Variants in MAP4 observed in about 807,000 individuals in gnomAD.
MAP4 encodes the protein microtubule-associated protein 4.
MAP4 carries 76 observed loss-of-function variants against 170.2 expected under a neutral mutation model. The ratio of observed to expected loss-of-function variants is 0.45; its 90% confidence interval spans 0.37 to 0.54. The LOEUF is 0.54. Ranked by LOEUF, MAP4 falls within the 20% of genes least tolerant of loss-of-function variation. The pLI is 0.00. For synonymous variants in MAP4, 909 were observed against 994.5 expected (o/e 0.91, Z 1.62); for missense variants, 2,506 against 2,748.0 (o/e 0.91, Z 1.97).
Position 47,897,950 on chromosome 3 carries a change from GAA to G in MAP4, c.5434+4998_5434+4999del, listed in dbSNP as rs370278143. Among the ~76,000 whole-genome samples, 238 of 134,510 alleles carry G rather than the reference GAA, an allele frequency of 1.8e-3. 1 individual carries two copies. Among genetic ancestry groups the G allele is most frequent in the African/African-American group, 6.1e-3 (212 of 34,532 alleles). 88.2% of individuals were successfully genotyped at this position (134,510 alleles called of 152,430 possible). ...GAGTGAGACTCCATATCGGGGGGGG[GAA>G]AAAAAAAAAAGAAAGAATGGTCCTG... On this transcript the variant is annotated intron_variant, in intron 10 of 20. Transcript: ENST00000683076.
At chr3:47,926,385 T>C (rs573833305) in intron 4 of MAP4, among the ~76,000 whole-genome samples, 10 of 151,698 alleles carry the variant, frequency 6.6e-5, no homozygotes, top group Non-Finnish European at 1.2e-4. Flanking sequence ...GGTTTCACCA[T>C]GTTGGCTGGG....
intron 1 of MAP4, among the ~76,000 whole-genome samples, chr3:48,051,421 C>T (rs2100127798): frequency 6.6e-6 from 1 of 152,134 alleles, no homozygotes; most frequent in Admixed American, 6.6e-5. Flanking sequence ...AACACACACA[C>T]TCAGACCCAC....
At chr3:47,981,623 A>G (rs888291895) in intron 2 of MAP4, among the ~76,000 whole-genome samples, 2 of 152,024 alleles carry the variant, frequency 1.3e-5, no homozygotes, top group African/African-American at 4.8e-5. Flanking sequence ...ACAAAAAATT[A>G]GCCAGGCATA....
chr3:47,968,528 C>T (rs2154211862), intron 3 of MAP4, among the ~76,000 whole-genome samples: 2 of 152,234 alleles, frequency 1.3e-5, no homozygotes, highest in Middle Eastern at 3.4e-3. Context: ...TTAGAAAATA[C>T]TTTCAGATGA....
intron 10 of MAP4, among the ~76,000 whole-genome samples, chr3:47,901,877 A>T (rs2100030209): frequency 6.6e-6 from 1 of 152,166 alleles, no homozygotes; most frequent in African/African-American, 2.4e-5. Flanking sequence ...TAGGATATTC[A>T]AGCCAGGCAT....
At chr3:48,087,650 G>C (rs1251602130) in intron 1 of MAP4, among the ~76,000 whole-genome samples, 5 of 152,044 alleles carry the variant, frequency 3.3e-5, no homozygotes, top group African/African-American at 9.7e-5. Context: ...GGAAAGAGCA[G>C]AGGCAGTTGC....
rs2100039167 is a variant in MAP4 at position 47,916,433 on chromosome 3, G to A, written c.1394C>T (p.Ala465Val). 6.2e-7 allele frequency: 1 copy of A among 1,613,982 alleles called. No homozygotes were observed. Among genetic ancestry groups the A allele is most frequent in the Non-Finnish European group, 8.5e-7 (1 of 1,180,022 alleles). The change falls in exon 7 of 21, where the codon GCA becomes GTA. Residue 465 changes from alanine to valine, a missense_variant. Around this residue, in one of 3 missense-constraint regions of MAP4, gnomAD observed 2,008 missense variants for 2,206.0 expected, o/e 0.91. Transcript: ENST00000683076. ...ETNVILTKDK[A>V]LPLEAEVAPV... is the part of the protein sequence containing the mutation. ...GGCCACCTCTGCTTCTAAAGGTAGT[G>A]CTTTATCCTTGGTCAAGATCACGTT...
intron 10 of MAP4, among the ~76,000 whole-genome samples, chr3:47,899,280 T>C (rs1220231413): frequency 6.6e-6 from 1 of 152,146 alleles, no homozygotes; most frequent in African/African-American, 2.4e-5. Context: ...ATTACAGGTG[T>C]CCCAGCTAAT....
intron 1 of MAP4, among the ~76,000 whole-genome samples, chr3:48,045,058 A>G (rs2100123692): frequency 6.6e-6 from 1 of 151,890 alleles, no homozygotes; most frequent in African/African-American, 2.4e-5. Flanking sequence ...GGAGTTCAAG[A>G]CCAGCCTGGA....
chr3:47,911,402 G>C lies in MAP4; in HGVS notation c.3019C>G (p.Pro1007Ala). 1.3e-6 allele frequency: 2 copies of C among 1,536,036 alleles called. No homozygotes were observed. Among genetic ancestry groups the C allele is most frequent in the South Asian group, 1.2e-5 (1 of 84,060 alleles). The stretch of plus-strand genomic sequence containing the variant: ...TCTTTATCCTCTTCAGCTCCTTCAG[G>C]AAACTCCTTCAGTTTGACATTCTGC... Reference protein sequence around the residue: ...KLQNVKLKEFPEGAEEDKELK... With the variant: ...KLQNVKLKEFAEGAEEDKELK... Residue 1007 changes from proline to alanine, a missense_variant, in exon 9 of 21, where the codon CCT (proline) becomes GCT (alanine). Around this residue, in one of 3 missense-constraint regions of MAP4, gnomAD observed 2,008 missense variants for 2,206.0 expected, o/e 0.91. Coordinates refer to ENST00000683076, the MANE Select transcript of MAP4 (RefSeq NM_001385682.1). The surrounding 1 kb of genome is among the most constrained non-coding windows in gnomAD (Gnocchi z 4.0).
chr3:48,025,731 C>T (rs544137656), intron 1 of MAP4, among the ~76,000 whole-genome samples: 183 of 151,646 alleles, frequency 1.2e-3, no homozygotes, highest in Non-Finnish European at 2.3e-3. Context: ...AAAACCCTGT[C>T]TCTACTAAAA....
intron 1 of MAP4, among the ~76,000 whole-genome samples, chr3:48,034,326 A>C (rs2100117677): frequency 6.6e-6 from 1 of 152,204 alleles, no homozygotes; most frequent in Admixed American, 6.5e-5. Flanking sequence ...CCAGGAAACC[A>C]GATCTATTTT....
intron 12 of MAP4, among the ~76,000 whole-genome samples, chr3:47,874,604 C>T (rs1334406073): frequency 1.3e-5 from 2 of 152,198 alleles, no homozygotes; most frequent in Admixed American, 1.3e-4. Context: ...CCCCAGAAGC[C>T]GCTGCTGAAT....
In MAP4 at chr3:47,975,383, G is replaced by C. The variant is rs2100081379; in HGVS notation, c.292+2482C>G. On this transcript the variant is annotated intron_variant, in intron 3 of 20. Coordinates refer to ENST00000683076, the MANE Select transcript of MAP4 (RefSeq NM_001385682.1). ...AAGCAAAGCTCTGCAAAATGCTGAA[G>C]GTTTTAGAAGTATAACGATGCTTAG... is the stretch of plus-strand genomic sequence containing the variant. 3 of 1,552,744 alleles carry C rather than the reference G, an allele frequency of 1.9e-6. No homozygotes were observed. The African/African-American group carries it at 4.1e-5, about 21-fold the overall frequency.
intron 2 of MAP4, among the ~76,000 whole-genome samples, chr3:47,996,428 C>T (rs13080392): frequency 6.6e-6 from 1 of 152,040 alleles, no homozygotes; most frequent in Non-Finnish European, 1.5e-5. Flanking sequence ...TAGAACTCTT[C>T]CGATAAGAGA....
chr3:47,858,619 G>GCA (rs2060499605), intron 17 of MAP4, among the ~76,000 whole-genome samples: 1 of 125,188 alleles, frequency 8.0e-6, no homozygotes, highest in African/African-American at 3.6e-5. Context: ...GTGTGTGCGC[G>GCA]TTGTGTGTGT....
intron 2 of MAP4, among the ~76,000 whole-genome samples, chr3:47,992,023 G>C (rs1337228888): frequency 6.6e-6 from 1 of 151,072 alleles, no homozygotes; most frequent in Non-Finnish European, 1.5e-5. Context: ...GTAGTTTACT[G>C]AACCTCATCT....
chr3:47,865,937 G>T (rs2078775161), intron 17 of MAP4, among the ~76,000 whole-genome samples: 1 of 152,182 alleles, frequency 6.6e-6, no homozygotes, highest in African/African-American at 2.4e-5. Context: ...GAACCTCCCT[G>T]TGAGCTGGGA....
chr3:47,980,235 T>G (rs1385640914), intron 2 of MAP4, among the ~76,000 whole-genome samples: 1 of 152,168 alleles, frequency 6.6e-6, no homozygotes, highest in Non-Finnish European at 1.5e-5. Flanking sequence ...TAAGACTATA[T>G]AGATCAATTT....
Sources: allele counts gnomAD v4.1 joint callset (sites outside exome capture counted in the v4.1 genomes callset), GRCh38; gene constraint gnomAD v4.1.1; regional missense constraint gnomAD v4.1.1; non-coding constraint Gnocchi (gnomAD v3.1); transcripts MANE v1.5; gene names NCBI Gene and HGNC (gene_info 2026-07-23, HGNC 2026-07-21).